The following CDC42 variants were observed in gnomAD, a reference collection of about 807,000 sequenced individuals.
The protein encoded by CDC42 is cell division control protein 42 homolog.
A neutral mutation model predicts 20.8 loss-of-function variants in CDC42; 1 was observed. The observed-to-expected ratio is 0.05, with a 90% CI of 0.02 to 0.23. The LOEUF is 0.23. Ranked by LOEUF, CDC42 falls within the 10% of genes least tolerant of loss-of-function variation. The pLI is 1.00. For missense variants in CDC42, 49 were observed against 227.9 expected (o/e 0.21, Z 5.05); for synonymous variants, 72 against 84.8 (o/e 0.85, Z 0.83).
At chr1:22,052,780 A>G (rs1645249379) in intron 1 of CDC42, 38 bp downstream of exon 1, 1 of 152,658 alleles carries the variant, frequency 6.6e-6, no homozygotes, top group South Asian at 2.1e-4. Context: ...GGGAGCTGCC[A>G]CCCTACCTTC....
At chr1:22,074,911 A>C (rs1645532411) in intron 1 of CDC42, among the ~76,000 whole-genome samples, 1 of 152,228 alleles carries the variant, frequency 6.6e-6, no homozygotes, top group Non-Finnish European at 1.5e-5. Flanking sequence ...CTTTCTTGTA[A>C]GGCAGGGACA....
In CDC42 at chr1:22,100,669, A is replaced by G. The variant is rs1355278167; in HGVS notation, c.*9152A>G. 6.6e-6 allele frequency: 1 copy of G among 152,228 alleles called. No homozygotes were observed. Among genetic ancestry groups the G allele is most frequent in the African/African-American group, 2.4e-5 (1 of 41,438 alleles). The allele number at this position is 152,228 out of a possible 1,614,324, so 9.4% of individuals were successfully genotyped here. A position where few individuals can be genotyped will look rare whatever the true frequency, so the allele number is the denominator to read the frequency against. On this transcript the variant is annotated 3_prime_UTR_variant, in exon 6 of 6. Coordinates refer to ENST00000656825, the MANE Select transcript of CDC42 (RefSeq NM_001791.4). ...TGTCATCATTGTTGGCTCACATCAAATCAGGACCAGAAAACCCTGTTGACT... is the reference window on the plus strand; with the variant it reads ...TGTCATCATTGTTGGCTCACATCAAGTCAGGACCAGAAAACCCTGTTGACT...
At chr1:22,077,873 T>C (rs1256572378) in intron 1 of CDC42, among the ~76,000 whole-genome samples, 1 of 152,252 alleles carries the variant, frequency 6.6e-6, no homozygotes, top group African/African-American at 2.4e-5. Flanking sequence ...CTAAAACAGC[T>C]GCTGAGGCCA....
chr1:22,080,798 A>G (rs1171493122), intron 2 of CDC42, among the ~76,000 whole-genome samples: 1 of 152,182 alleles, frequency 6.6e-6, no homozygotes, highest in African/African-American at 2.4e-5. Context: ...TTTATGGTCT[A>G]TTTACATATT....
chr1:22,085,244 A>AG (rs1553195979), intron 3 of CDC42, among the ~76,000 whole-genome samples: 3 of 135,956 alleles, frequency 2.2e-5, no homozygotes, highest in South Asian at 2.3e-4. Flanking sequence ...AAAAAAAAAA[A>AG]AAAAGAAAAA....
chr1:22,086,599 C>T, intron 4 of CDC42, 51 bp downstream of exon 4: 1 of 1,581,880 alleles, frequency 6.3e-7, no homozygotes. Flanking sequence ...AGAATTTCTA[C>T]TGACCTGTTA....
chr1:22,069,794 T>TTG (rs1340673699), intron 1 of CDC42, among the ~76,000 whole-genome samples: 1 of 142,554 alleles, frequency 7.0e-6, no homozygotes, highest in African/African-American at 2.5e-5. Context: ...GTTTGTTTGT[T>TTG]TTTGTTGTTG....
intron 1 of CDC42, among the ~76,000 whole-genome samples, chr1:22,053,689 A>T (rs896998034): frequency 3.9e-5 from 6 of 152,218 alleles, no homozygotes; most frequent in African/African-American, 1.4e-4. Context: ...AGGGACTTAA[A>T]TTCAAACAGC....
At chr1:22,074,651 C>T (rs1645529010) in intron 1 of CDC42, among the ~76,000 whole-genome samples, 1 of 152,160 alleles carries the variant, frequency 6.6e-6, no homozygotes, top group Admixed American at 6.6e-5. Context: ...AACTCCTCAG[C>T]TCTAGTGATC....
At chr1:22,080,804 A>G (rs1200279228) in intron 2 of CDC42, among the ~76,000 whole-genome samples, 2 of 152,214 alleles carry the variant, frequency 1.3e-5, no homozygotes, top group African/African-American at 2.4e-5. Context: ...GTCTATTTAC[A>G]TATTAAGCAT....
At chr1:22,086,990 G>A (rs1645667460) in intron 5 of CDC42, 124 bp downstream of exon 5, 6 of 747,952 alleles carry the variant, frequency 8.0e-6, no homozygotes, top group South Asian at 6.5e-5. Flanking sequence ...AATATGAACA[G>A]CTTCATATTG....
chr1:22,066,647 TACTATTGC>T (rs1645426794), intron 1 of CDC42, among the ~76,000 whole-genome samples: 2 of 151,788 alleles, frequency 1.3e-5, no homozygotes, highest in African/African-American at 2.4e-5. Flanking sequence ...GGAGGGAGGG[TACTATTGC>T]CCTGGATAAT....
chr1:22,081,739 A>T lies in CDC42; in HGVS notation c.123A>T (p.Ala41=), dbSNP rs1645610069. 7.4e-6 allele frequency: 12 copies of T among 1,611,152 alleles called. No individual in the cohort carries two copies. In the East Asian group the frequency reaches 2.7e-4, roughly 36 times the overall value. ...GTTTTTAGGTTTTTGACAACTATGC[A>T]GTCACAGTTATGATTGGTGGAGAAC... ...EYVPTVFDNY[A]VTVMIGGEPY... The change falls in exon 3 of 6, where the codon GCA becomes GCT. Residue 41 remains alanine, a synonymous_variant. Transcript: ENST00000656825.
At chr1:22,055,232 C>T (rs1407797519) in intron 1 of CDC42, among the ~76,000 whole-genome samples, 2 of 151,602 alleles carry the variant, frequency 1.3e-5, no homozygotes, top group Non-Finnish European at 2.9e-5. Context: ...AGATTACAGG[C>T]GTGAGCCACC....
At chr1:22,069,496 T>C (rs1645460616) in intron 1 of CDC42, among the ~76,000 whole-genome samples, 1 of 152,014 alleles carries the variant, frequency 6.6e-6, no homozygotes, top group Admixed American at 6.6e-5. Flanking sequence ...CTTGTTCTCT[T>C]ACCCAGGCTG....
rs1295924736 is a variant in CDC42 at position 22,078,898 on chromosome 1, T to C, written c.105+315T>C. On this transcript the variant is annotated intron_variant, in intron 2 of 5. Transcript: ENST00000656825. ...TGGAATGAGGTGACTTTTTTTTTTT[T>C]TTTTTTGATATTTTGGCCAATTATT... 3 of 1,252,774 alleles carry C rather than the reference T, an allele frequency of 2.4e-6. No individual in the cohort carries two copies. The East Asian group carries it at 1.6e-4, about 65-fold the overall frequency. The allele number at this position is 1,252,774 out of a possible 1,614,324, so 77.6% of individuals were successfully genotyped here.
At chr1:22,079,681 C>T (rs1645588951) in intron 2 of CDC42, among the ~76,000 whole-genome samples, 2 of 152,048 alleles carry the variant, frequency 1.3e-5, no homozygotes, top group South Asian at 4.1e-4. Flanking sequence ...AAATGGAAGA[C>T]GTTTTGAGGT....
chr1:22,091,015 C>T lies in CDC42; in HGVS notation c.487-413C>T, dbSNP rs17837990. Among the ~76,000 whole-genome samples, 742 of 152,290 alleles carry T rather than the reference C, an allele frequency of 4.9e-3. 5 individuals are homozygous for T. Among genetic ancestry groups the T allele is most frequent in the African/African-American group, 0.016 (673 of 41,546 alleles). The stretch of plus-strand genomic sequence containing the variant: ...CCATAGAATAAGGATGCCACTGACC[C>T]GTGCCCGTCCTCTCAGTCCTCTGTT... On this transcript the variant is annotated intron_variant, in intron 5 of 5. Coordinates refer to ENST00000656825, the MANE Select transcript of CDC42 (RefSeq NM_001791.4).
intron 1 of CDC42, among the ~76,000 whole-genome samples, chr1:22,054,165 ACTT>A (rs1187393215): frequency 1.3e-5 from 2 of 152,140 alleles, no homozygotes; most frequent in Non-Finnish European, 2.9e-5. Context: ...TAAGCAAAAA[ACTT>A]AATATTTTCA....
Sources: allele counts gnomAD v4.1 joint callset (sites outside exome capture counted in the v4.1 genomes callset), GRCh38; gene constraint gnomAD v4.1.1; transcripts MANE v1.5; gene names NCBI Gene and HGNC (gene_info 2026-07-23, HGNC 2026-07-21).